The following RPH3AL variants were observed in gnomAD, a reference collection of about 807,000 sequenced individuals.
The protein encoded by RPH3AL is rab effector Noc2.
In RPH3AL, 38 loss-of-function variants were observed where a neutral mutation model predicts 43.1. The ratio of observed to expected loss-of-function variants is 0.88; its 90% CI spans 0.68 to 1.15. The LOEUF (loss-of-function observed/expected upper bound fraction) is 1.15. Ranked by LOEUF, RPH3AL falls within the 50% of genes most tolerant of loss-of-function variation. The pLI is 0.00. For missense variants in RPH3AL, 462 were observed against 423.2 expected (o/e 1.09, Z -0.81); for synonymous variants, 189 against 176.3 (o/e 1.07, Z -0.57).
At chr17:259,730 G>A (rs576563622) in intron 6 of RPH3AL, among the ~76,000 whole-genome samples, 78 of 152,322 alleles carry the variant, frequency 5.1e-4, no homozygotes, top group African/African-American at 1.8e-3. Context: ...CGGGGTGTCC[G>A]GCAGCAGTAA....
intron 6 of RPH3AL, among the ~76,000 whole-genome samples, chr17:253,493 A>G (rs4458053): frequency 0.88 from 134,563 of 152,152 alleles, 59,693 homozygotes; most frequent in African/African-American, 0.95. Flanking sequence ...GGGTATGCGC[A>G]ATCCTTTTTT....
intron 1 of RPH3AL, among the ~76,000 whole-genome samples, chr17:344,318 T>C (rs139946746): frequency 7.9e-6 from 1 of 126,586 alleles, no homozygotes; most frequent in African/African-American, 2.7e-5. Flanking sequence ...ACTATAATCA[T>C]CACCATCACC....
chr17:235,046 G>A (rs2041330253), intron 7 of RPH3AL, among the ~76,000 whole-genome samples: 1 of 152,242 alleles, frequency 6.6e-6, no homozygotes, highest in Non-Finnish European at 1.5e-5. Context: ...GCAGCCACAG[G>A]GCTGCTTATT....
rs1377295423 is a variant in RPH3AL at position 289,516 on chromosome 17, G to A, written c.352-7662C>T. The stretch of plus-strand genomic sequence containing the variant: ...TACCCCACCGCGCTGTCCTCCAGCT[G>A]GTTCCCGACATGGCAGCCAGGCCGA... On this transcript the variant is annotated intron_variant, in intron 5 of 9. Coordinates refer to ENST00000331302, the MANE Select transcript of RPH3AL (RefSeq NM_006987.4). This position sits in a 1 kb window ranked among gnomAD's most constrained non-coding sequence, Gnocchi z 5.2. Among the ~76,000 whole-genome samples, 2 of 152,166 alleles carry A rather than the reference G, an allele frequency of 1.3e-5. No individual in the cohort carries two copies. Among genetic ancestry groups the A allele is most frequent in the Non-Finnish European group, 2.9e-5 (2 of 68,032 alleles).
intron 4 of RPH3AL, 48 bp downstream of exon 4, chr17:321,224 C>A (rs1396465230): frequency 6.3e-7 from 1 of 1,581,106 alleles, no homozygotes; most frequent in Admixed American, 1.7e-5. Flanking sequence ...GCGCTTGCGC[C>A]AAAGCCCTTG....
At chr17:256,982 TG>T (rs2042063869) in intron 6 of RPH3AL, among the ~76,000 whole-genome samples, 1 of 2,452 alleles carries the variant, frequency 4.1e-4, no homozygotes, top group Admixed American at 2.1e-3. Context: ...GTACTTCCTA[TG>T]AGGGGAGCCG....
intron 6 of RPH3AL, among the ~76,000 whole-genome samples, chr17:280,227 A>T (rs997886836): frequency 3.3e-5 from 5 of 152,182 alleles, no homozygotes; most frequent in Admixed American, 6.5e-5. Flanking sequence ...TCCAGGGTTC[A>T]GGGACTAAAA....
chr17:228,108 G>A (rs2041147083), intron 7 of RPH3AL, among the ~76,000 whole-genome samples: 1 of 152,196 alleles, frequency 6.6e-6, no homozygotes, highest in East Asian at 1.9e-4. Flanking sequence ...GTGGCAGCTG[G>A]AGGGGAGCCT....
chr17:292,298 C>T (rs1797995552), intron 5 of RPH3AL, among the ~76,000 whole-genome samples: 1 of 152,218 alleles, frequency 6.6e-6, no homozygotes, highest in African/African-American at 2.4e-5. Flanking sequence ...CTGGATACAG[C>T]TCTGTTGCTA....
At chr17:317,056 C>A in intron 5 of RPH3AL, among the ~76,000 whole-genome samples, 1 of 150,110 alleles carries the variant, frequency 6.7e-6, no homozygotes, top group African/African-American at 2.5e-5. Flanking sequence ...TCTCTGTGCC[C>A]CACCTCCACT....
chr17:261,727 C>T (rs754933066), intron 6 of RPH3AL: 1 of 152,160 alleles, frequency 6.6e-6, no homozygotes, highest in African/African-American at 2.4e-5. Flanking sequence ...CATAAGGACG[C>T]TGAGTTTCCC....
chr17:281,612 G>A (rs2042780233), intron 6 of RPH3AL, among the ~76,000 whole-genome samples, 156 bp downstream of exon 6: 1 of 151,914 alleles, frequency 6.6e-6, no homozygotes, highest in Admixed American at 6.6e-5. Context: ...TTGACTTCTG[G>A]AGAAACCCCT....
chr17:348,704 A>G (rs1250702198), intron 1 of RPH3AL, among the ~76,000 whole-genome samples: 1 of 152,170 alleles, frequency 6.6e-6, no homozygotes, highest in South Asian at 2.1e-4. Flanking sequence ...TTTTGTGTGG[A>G]CTAATCACAG....
chr17:251,723 A>G (rs1555542636), intron 6 of RPH3AL, among the ~76,000 whole-genome samples: 1 of 152,208 alleles, frequency 6.6e-6, no homozygotes, highest in Non-Finnish European at 1.5e-5. Flanking sequence ...GCAGGTACCC[A>G]AGTCCAAAAG....
intron 5 of RPH3AL, among the ~76,000 whole-genome samples, chr17:316,898 T>C (rs1598110991): frequency 6.6e-6 from 1 of 151,468 alleles, no homozygotes; most frequent in East Asian, 2.0e-4. Flanking sequence ...CTGTAGTCCC[T>C]GTGCTCCACC....
At chr17:284,738 C>T (rs1479873543) in intron 5 of RPH3AL, among the ~76,000 whole-genome samples, 1 of 152,180 alleles carries the variant, frequency 6.6e-6, no homozygotes, top group Admixed American at 6.5e-5. Flanking sequence ...GCCTCTGCCC[C>T]ATCGTAGTCA....
intron 2 of RPH3AL, among the ~76,000 whole-genome samples, chr17:329,282 G>A (rs907287121): frequency 3.9e-5 from 6 of 152,120 alleles, no homozygotes; most frequent in Admixed American, 3.9e-4. Context: ...AGACCAGCCT[G>A]GCCAATATGG....
chr17:266,636 T>C (rs2042332076), intron 6 of RPH3AL, among the ~76,000 whole-genome samples: 2 of 152,176 alleles, frequency 1.3e-5, no homozygotes, highest in Admixed American at 1.3e-4. Flanking sequence ...TCCTCTTCAT[T>C]CCAAGTGGGT....
intron 6 of RPH3AL, among the ~76,000 whole-genome samples, chr17:273,096 T>TCAGGAAGAGACCCCAGCGAGGGC: frequency 6.7e-5 from 1 of 14,936 alleles, no homozygotes; most frequent in African/African-American, 2.4e-4. Context: ...CCAGCGAGGG[T>TCAGGAAGAGACCCCAGCGAGGGC]GACGTCAGGG....
Sources: allele counts gnomAD v4.1 joint callset (sites outside exome capture counted in the v4.1 genomes callset), GRCh38; gene constraint gnomAD v4.1.1; non-coding constraint Gnocchi (gnomAD v3.1); transcripts MANE v1.5; gene names NCBI Gene and HGNC (gene_info 2026-07-23, HGNC 2026-07-21).